Variants in ATP9A observed in about 807,000 individuals in gnomAD.
The protein encoded by ATP9A is ATPase phospholipid transporting 9A.
A neutral mutation model predicts 144.1 loss-of-function variants in ATP9A; 52 were observed. The observed-to-expected ratio is 0.36, with a 90% CI of 0.29 to 0.45. ATP9A has a LOEUF of 0.45. Ranked by LOEUF, ATP9A falls within the 20% of genes least tolerant of loss-of-function variation. The pLI is 1.00. For synonymous variants in ATP9A, 582 were observed against 557.4 expected, an observed-to-expected ratio of 1.04 and a Z score of -0.62; for missense variants, 947 against 1,392.7, an observed-to-expected ratio of 0.68 and a Z score of 5.09.
rs2077450029 is a variant in ATP9A at position 51,670,154 on chromosome 20, T to C, written c.1181-45A>G. On this transcript the variant is annotated intron_variant, in intron 12 of 27. Coordinates refer to ENST00000338821, the MANE Select transcript of ATP9A (RefSeq NM_006045.3). The stretch of plus-strand genomic sequence containing the variant: ...AGTGGCCGGCCTGTCTCTCAGGATG[T>C]TTGTTATTATTAACAGTAATGACAG... 2.1e-6 allele frequency: 3 copies of C among 1,449,966 alleles called. No individual in the cohort carries two copies. In the East Asian group the frequency reaches 6.8e-5, roughly 33 times the overall value. 89.8% of individuals were successfully genotyped at this position (1,449,966 alleles called of 1,614,324 possible). A position where few individuals can be genotyped will look rare whatever the true frequency, so the allele number is the denominator to read the frequency against.
intron 4 of ATP9A, among the ~76,000 whole-genome samples, chr20:51,698,084 A>C (rs1398443312): frequency 6.6e-6 from 1 of 152,220 alleles, no homozygotes; most frequent in Non-Finnish European, 1.5e-5. Flanking sequence ...AGGTAGTTCC[A>C]TCTCCAGCTT....
intron 1 of ATP9A, among the ~76,000 whole-genome samples, chr20:51,746,149 G>A (rs1377167430): frequency 6.6e-6 from 1 of 152,110 alleles, no homozygotes; most frequent in African/African-American, 2.4e-5. Context: ...GCACAAAGAA[G>A]GGAAGAAGAG....
intron 14 of ATP9A, among the ~76,000 whole-genome samples, chr20:51,649,285 T>C (rs1393755917): frequency 6.6e-6 from 1 of 152,088 alleles, no homozygotes; most frequent in East Asian, 1.9e-4. Flanking sequence ...CATCATCCCC[T>C]GGGGAGGAAA....
chr20:51,701,669 A>G (rs2077593639), intron 4 of ATP9A, among the ~76,000 whole-genome samples: 1 of 152,194 alleles, frequency 6.6e-6, no homozygotes, highest in African/African-American at 2.4e-5. Context: ...TAAGGGAGGA[A>G]GCAAGGAGCC....
chr20:51,706,195 G>C (rs2122840934), intron 4 of ATP9A, among the ~76,000 whole-genome samples: 1 of 152,302 alleles, frequency 6.6e-6, no homozygotes, highest in East Asian at 1.9e-4. Context: ...GAACGCTGTA[G>C]CAGTTGTTGA....
chr20:51,664,385 G>C (rs1038154260), intron 13 of ATP9A, among the ~76,000 whole-genome samples: 1 of 151,910 alleles, frequency 6.6e-6, no homozygotes, highest in South Asian at 2.1e-4. Flanking sequence ...CCAGGAGTTC[G>C]AGACCAGCCT....
At chr20:51,760,487 G>A (rs1457655052) in intron 1 of ATP9A, among the ~76,000 whole-genome samples, 3 of 152,184 alleles carry the variant, frequency 2.0e-5, no homozygotes, top group African/African-American at 7.2e-5. Flanking sequence ...AGCACTTTGG[G>A]AGGCCAAGGC....
chr20:51,713,876 A>C (rs927788515), intron 3 of ATP9A, among the ~76,000 whole-genome samples: 6 of 152,146 alleles, frequency 3.9e-5, no homozygotes, highest in African/African-American at 1.4e-4. Flanking sequence ...GGAGGGACTG[A>C]AAGGTGCTTC....
At chr20:51,674,431 G>A in intron 10 of ATP9A, 118 bp from the exon 11 acceptor site, 1 of 1,018,682 alleles carries the variant, frequency 9.8e-7, no homozygotes, top group Non-Finnish European at 1.4e-6. Context: ...CAGCCTGCCG[G>A]AGAGCTGGTC....
At chr20:51,626,494 T>TG (rs1555829897) in intron 17 of ATP9A, among the ~76,000 whole-genome samples, 1 of 133,982 alleles carries the variant, frequency 7.5e-6, no homozygotes, top group African/African-American at 2.9e-5. Context: ...CTGTCACAAA[T>TG]AAAAAAAAAA....
intron 9 of ATP9A, among the ~76,000 whole-genome samples, chr20:51,687,250 CA>C (rs1409920598): frequency 4.6e-5 from 7 of 152,008 alleles, no homozygotes; most frequent in African/African-American, 1.7e-4. Context: ...CTTTAGTCAT[CA>C]GGGGGACTGA....
intron 26 of ATP9A, 128 bp from the exon 27 acceptor site, chr20:51,605,148 A>G: frequency 1.3e-6 from 1 of 752,248 alleles, no homozygotes; most frequent in Non-Finnish European, 2.0e-6. Context: ...CATGAGGTTA[A>G]TGACTGGTGC....
intron 13 of ATP9A, among the ~76,000 whole-genome samples, chr20:51,665,724 CAAAA>C (rs34213354): frequency 8.1e-6 from 1 of 124,186 alleles, no homozygotes; most frequent in African/African-American, 3.3e-5. Context: ...GACTTCGTCT[CAAAA>C]AAAAAAAAAA....
intron 9 of ATP9A, among the ~76,000 whole-genome samples, chr20:51,676,428 C>A (rs954196954): frequency 3.3e-5 from 5 of 151,860 alleles, no homozygotes; most frequent in Non-Finnish European, 1.5e-5. Context: ...CTGCCTTAGC[C>A]TCCTCAATAA....
intron 13 of ATP9A, among the ~76,000 whole-genome samples, chr20:51,665,243 G>C (rs955863555): frequency 6.8e-6 from 1 of 146,280 alleles, no homozygotes; most frequent in African/African-American, 2.5e-5. Context: ...TGGGGGGATA[G>C]AGCAGGGGGG....
chr20:51,722,974 C>A (rs2077696111), intron 3 of ATP9A, among the ~76,000 whole-genome samples: 1 of 152,130 alleles, frequency 6.6e-6, no homozygotes. Flanking sequence ...CCATGCCCAG[C>A]TAATTTTTTG....
intron 1 of ATP9A, among the ~76,000 whole-genome samples, chr20:51,747,098 G>GTT (rs11467381): frequency 0.073 from 10,139 of 138,540 alleles, 562 homozygotes; most frequent in African/African-American, 0.14. Flanking sequence ...TGGGTTTTTC[G>GTT]TTTTTTTTTT....
intron 22 of ATP9A, among the ~76,000 whole-genome samples, chr20:51,615,200 C>T (rs886488873): frequency 2.0e-5 from 3 of 152,086 alleles, no homozygotes; most frequent in Non-Finnish European, 2.9e-5. Context: ...ACATTACATA[C>T]AATTTACTTT....
intron 1 of ATP9A, among the ~76,000 whole-genome samples, chr20:51,730,398 G>A (rs776274592): frequency 6.6e-6 from 1 of 152,216 alleles, no homozygotes; most frequent in African/African-American, 2.4e-5. Flanking sequence ...AAACCAAGAG[G>A]CGGAGGTCGC....
Sources: gnomAD v4.1 joint callset for allele counts (sites outside exome capture counted in the v4.1 genomes callset) on GRCh38, gnomAD v4.1.1 for gene constraint, MANE v1.5 for transcripts, NCBI Gene and HGNC (gene_info 2026-07-23, HGNC 2026-07-21) for gene names.